Variants in EBF1 observed in about 807,000 individuals in gnomAD.
The protein encoded by EBF1 is transcription factor COE1.
Under a neutral mutation model 68.4 loss-of-function variants are expected in EBF1, and 10 were observed. The ratio of observed to expected loss-of-function variants is 0.15; its 90% confidence interval spans 0.09 to 0.25. The LOEUF is 0.25. Among genes scored for constraint, EBF1 ranks in the 10% least tolerant of loss-of-function variants. The pLI, the probability that EBF1 is intolerant of heterozygous loss-of-function variation, is 1.00. For synonymous variants in EBF1, 298 were observed against 299.8 expected, an observed-to-expected ratio of 0.99 and a Z score of 0.06; for missense variants, 509 against 794.4, an observed-to-expected ratio of 0.64 and a Z score of 4.32.
At chr5:158,834,204 T>A (rs1213525341) in intron 7 of EBF1, among the ~76,000 whole-genome samples, 1 of 152,182 alleles carries the variant, frequency 6.6e-6, no homozygotes, top group African/African-American at 2.4e-5. Context: ...AAAATTTAAA[T>A]CTTAAGGTTG....
chr5:159,011,639 T>C (rs1409016373), intron 6 of EBF1, among the ~76,000 whole-genome samples: 2 of 152,244 alleles, frequency 1.3e-5, no homozygotes, highest in Non-Finnish European at 2.9e-5. Flanking sequence ...CTAAATACTC[T>C]TGTTACCTCC....
chr5:158,714,655 T>C (rs1164867748), intron 11 of EBF1, among the ~76,000 whole-genome samples: 2 of 152,184 alleles, frequency 1.3e-5, no homozygotes, highest in African/African-American at 4.8e-5. Flanking sequence ...CTTCTTTTGT[T>C]TATCTCTCTT....
intron 6 of EBF1, among the ~76,000 whole-genome samples, chr5:158,841,724 T>C (rs1006707930): frequency 6.6e-6 from 1 of 152,214 alleles, no homozygotes; most frequent in African/African-American, 2.4e-5. Context: ...AATTTCTGAA[T>C]ATGAAACTGA....
At chr5:158,802,396 C>G (rs1425412940) in intron 8 of EBF1, among the ~76,000 whole-genome samples, 1 of 152,066 alleles carries the variant, frequency 6.6e-6, no homozygotes, top group African/African-American at 2.4e-5. Flanking sequence ...ATTTTCTAAT[C>G]TAAATCTAAA....
intron 6 of EBF1, among the ~76,000 whole-genome samples, chr5:158,947,514 G>A (rs888663186): frequency 6.6e-6 from 1 of 152,142 alleles, no homozygotes; most frequent in African/African-American, 2.4e-5. Context: ...GCCCTCCCTG[G>A]GCTGCACCCA....
At chr5:158,723,578 T>G (rs1762371857) in intron 11 of EBF1, among the ~76,000 whole-genome samples, 1 of 152,164 alleles carries the variant, frequency 6.6e-6, no homozygotes, top group Non-Finnish European at 1.5e-5. Flanking sequence ...TTGCGTGCCT[T>G]GAGTGCTATG....
At chr5:158,875,872 T>C (rs2128074677) in intron 6 of EBF1, among the ~76,000 whole-genome samples, 1 of 152,346 alleles carries the variant, frequency 6.6e-6, no homozygotes, top group East Asian at 1.9e-4. Flanking sequence ...CATAATTCAC[T>C]TTCTTAATTA....
At chr5:158,717,805 A>G (rs1333453820) in intron 11 of EBF1, among the ~76,000 whole-genome samples, 2 of 152,120 alleles carry the variant, frequency 1.3e-5, no homozygotes, top group African/African-American at 4.8e-5. Flanking sequence ...AAGATACAAA[A>G]AAGCTTTACT....
intron 11 of EBF1, among the ~76,000 whole-genome samples, chr5:158,730,370 A>AATGTT (rs1763855445): frequency 1.3e-5 from 2 of 152,336 alleles, no homozygotes; most frequent in South Asian, 4.1e-4. Flanking sequence ...AGGTACAGGG[A>AATGTT]TGGGGATATC....
At chr5:158,848,445 G>T (rs573740614) in intron 6 of EBF1, among the ~76,000 whole-genome samples, 1 of 152,124 alleles carries the variant, frequency 6.6e-6, no homozygotes, top group South Asian at 2.1e-4. Flanking sequence ...TTTTGAGTTT[G>T]CTCCCAACCA....
At chr5:158,971,613 G>A (rs1182266000) in intron 6 of EBF1, among the ~76,000 whole-genome samples, 3 of 152,118 alleles carry the variant, frequency 2.0e-5, no homozygotes, top group African/African-American at 7.2e-5. Flanking sequence ...GAGAACCTCT[G>A]TTTTCTAGAA....
intron 10 of EBF1, among the ~76,000 whole-genome samples, chr5:158,761,293 T>C (rs1334163998): frequency 6.6e-6 from 1 of 152,230 alleles, no homozygotes; most frequent in Non-Finnish European, 1.5e-5. Flanking sequence ...AATCAAATCA[T>C]GTAAACTCAT....
intron 8 of EBF1, among the ~76,000 whole-genome samples, chr5:158,814,841 A>G (rs1783403132): frequency 6.6e-6 from 1 of 152,192 alleles, no homozygotes; most frequent in Admixed American, 6.5e-5. Flanking sequence ...GAATAAAATC[A>G]GCATTTTTTA....
chr5:159,087,359 TATATATATACACAC>T (rs1465517655), intron 4 of EBF1, among the ~76,000 whole-genome samples: 2 of 67,514 alleles, frequency 3.0e-5, no homozygotes, highest in African/African-American at 1.3e-4. Context: ...TATATACACA[TATATATATACACAC>T]ATATATATAC....
At chr5:158,793,471 C>T (rs1251303579) in intron 9 of EBF1, among the ~76,000 whole-genome samples, 1 of 152,180 alleles carries the variant, frequency 6.6e-6, no homozygotes, top group African/African-American at 2.4e-5. Flanking sequence ...TACCACCTGG[C>T]TTATGAAACC....
At chr5:158,916,683 T>C (rs928780692) in intron 6 of EBF1, among the ~76,000 whole-genome samples, 1 of 152,232 alleles carries the variant, frequency 6.6e-6, no homozygotes, top group African/African-American at 2.4e-5. Context: ...TAACCTAATA[T>C]GTACTCTGGG....
chr5:158,815,029 GA>G (rs1360425434), intron 8 of EBF1, among the ~76,000 whole-genome samples: 1 of 152,086 alleles, frequency 6.6e-6, no homozygotes, highest in Non-Finnish European at 1.5e-5. Flanking sequence ...CTTGTGTTAA[GA>G]AAAAAATAAG....
rs1276853901 is a variant in EBF1, at chr5:159,073,540, A to G, written c.486-76T>C. 10 of 1,527,958 alleles carry G rather than the reference A, an allele frequency of 6.5e-6. No homozygotes were observed. The South Asian group carries it at 1.0e-4, about 15-fold the overall frequency. The allele number at this position is 1,527,958 out of a possible 1,614,324, so 94.7% of individuals were successfully genotyped here. A position where few individuals can be genotyped will look rare whatever the true frequency, so the allele number is the denominator to read the frequency against. Reference sequence around the variant, plus strand: ...ATCATTTAGGCAGACAGAAGGCTCAAATTGCTGGGTTGCAAATGCTAGAAT... The same window carrying G: ...ATCATTTAGGCAGACAGAAGGCTCAGATTGCTGGGTTGCAAATGCTAGAAT... On this transcript the variant is annotated intron_variant, in intron 5 of 15. Transcript: ENST00000313708.
At chr5:158,816,837 A>G (rs1331059293) in intron 8 of EBF1, among the ~76,000 whole-genome samples, 3 of 152,220 alleles carry the variant, frequency 2.0e-5, no homozygotes, top group African/African-American at 7.2e-5. Flanking sequence ...TTGACTTTCT[A>G]TGAAGAACAC....
Sources: allele counts gnomAD v4.1 joint callset (sites outside exome capture counted in the v4.1 genomes callset), GRCh38; gene constraint gnomAD v4.1.1; transcripts MANE v1.5; gene names NCBI Gene and HGNC (gene_info 2026-07-23, HGNC 2026-07-21).